Variants in LRGUK observed in about 807,000 individuals in gnomAD.
LRGUK encodes leucine rich repeats and guanylate kinase domain containing.
LRGUK carries 65 observed loss-of-function variants against 76.0 expected under a neutral mutation model. The ratio of observed to expected loss-of-function variants is 0.85; its 90% CI spans 0.70 to 1.05. The LOEUF (loss-of-function observed/expected upper bound fraction) is 1.05. LRGUK is among the 50% of genes least tolerant of loss of function. LRGUK has a pLI of 0.00. For synonymous variants in LRGUK, 268 were observed against 265.6 expected, an observed-to-expected ratio of 1.01 and a Z score of -0.09; for missense variants, 758 against 732.8, an observed-to-expected ratio of 1.03 and a Z score of -0.40.
chr7:134,258,594 G>A, intron 19 of LRGUK, among the ~76,000 whole-genome samples, 189 bp downstream of exon 19: 1 of 151,934 alleles, frequency 6.6e-6, no homozygotes, highest in East Asian at 1.9e-4. Context: ...AGCTACTCGG[G>A]AGGCTGAGGC....
At chr7:134,130,286 T>G (rs1351283784) in intron 1 of LRGUK, among the ~76,000 whole-genome samples, 1 of 151,724 alleles carries the variant, frequency 6.6e-6, no homozygotes, top group Non-Finnish European at 1.5e-5. Context: ...TTCCACCAGC[T>G]TCCCCCCCCC....
chr7:134,252,878 C>G (rs1484500152), intron 18 of LRGUK, among the ~76,000 whole-genome samples: 1 of 152,202 alleles, frequency 6.6e-6, no homozygotes, highest in Non-Finnish European at 1.5e-5. Context: ...TTTTTCAATA[C>G]TAGAGCCCTG....
chr7:134,238,207 C>T (rs1368092893), intron 16 of LRGUK, among the ~76,000 whole-genome samples: 3 of 151,930 alleles, frequency 2.0e-5, no homozygotes, highest in Non-Finnish European at 4.4e-5. Flanking sequence ...TAAGCTTATT[C>T]TTTACTAGAT....
intron 5 of LRGUK, among the ~76,000 whole-genome samples, chr7:134,152,693 G>A (rs1367340975): frequency 6.6e-6 from 1 of 152,012 alleles, no homozygotes; most frequent in Admixed American, 6.5e-5. Flanking sequence ...ATATAAAGTT[G>A]AGCATCCAAG....
chr7:134,238,004 C>T lies in LRGUK; in HGVS notation c.1984-9552C>T, dbSNP rs1802053786. ...AATAACAGTACTAATACCACCAGCA[C>T]CCATAATGAAAACCAAAAAATAGTT... On this transcript the variant is annotated intron_variant, in intron 16 of 19. Coordinates refer to the LRGUK transcript ENST00000285928. Among the ~76,000 whole-genome samples, 4 of 152,100 alleles carry T rather than the reference C, an allele frequency of 2.6e-5. No individual in the cohort carries two copies. The South Asian group carries it at 8.3e-4, about 32-fold the overall frequency.
chr7:134,194,976 A>G (rs1372719037), intron 12 of LRGUK, among the ~76,000 whole-genome samples: 1 of 152,180 alleles, frequency 6.6e-6, no homozygotes, highest in East Asian at 1.9e-4. Flanking sequence ...CACCCTGAGC[A>G]TTTGGGGATC....
At chr7:134,201,259 A>G (rs1489362614) in intron 14 of LRGUK, among the ~76,000 whole-genome samples, 4 of 152,152 alleles carry the variant, frequency 2.6e-5, no homozygotes, top group African/African-American at 7.2e-5. Context: ...ATGTCACACA[A>G]TCGTGGAGGT....
At chr7:134,133,229 T>A (rs1358937772) in intron 1 of LRGUK, among the ~76,000 whole-genome samples, 1 of 152,196 alleles carries the variant, frequency 6.6e-6, no homozygotes, top group Non-Finnish European at 1.5e-5. Context: ...CAATGGGCCA[T>A]GCTTGCTTTT....
At chr7:134,158,961 C>T (rs181191465) in intron 6 of LRGUK, among the ~76,000 whole-genome samples, 16 of 152,206 alleles carry the variant, frequency 1.1e-4, no homozygotes, top group African/African-American at 2.6e-4. Flanking sequence ...GGTCAGCAGG[C>T]GGGATTTCAA....
At chr7:134,212,757 G>A (rs185239441), downstream of LRGUK, among the ~76,000 whole-genome samples, 54 of 152,324 alleles carry the variant, frequency 3.5e-4, no homozygotes, top group African/African-American at 1.3e-3. Flanking sequence ...TGCTAGATAA[G>A]GGGAAGTGAT....
At chr7:134,255,763 G>GTTT (rs145234565) in intron 18 of LRGUK, among the ~76,000 whole-genome samples, 49 of 151,824 alleles carry the variant, frequency 3.2e-4, no homozygotes, top group African/African-American at 1.0e-3. Flanking sequence ...ATTTATACCT[G>GTTT]TTTTATTTTC....
At chr7:134,199,553 G>A in intron 14 of LRGUK, 132 bp downstream of exon 14, 2 of 706,688 alleles carry the variant, frequency 2.8e-6, no homozygotes, top group South Asian at 3.8e-5. Context: ...GCTGCGAAAA[G>A]GGGTAAGAAT....
chr7:134,179,047 G>C (rs1213314616), intron 10 of LRGUK, among the ~76,000 whole-genome samples: 1 of 149,992 alleles, frequency 6.7e-6, no homozygotes, highest in African/African-American at 2.5e-5. Flanking sequence ...CCTCAGCTGT[G>C]AGTGGAAGCT....
intron 18 of LRGUK, among the ~76,000 whole-genome samples, chr7:134,254,947 G>A (rs1341538387): frequency 6.6e-6 from 1 of 152,084 alleles, no homozygotes; most frequent in Non-Finnish European, 1.5e-5. Flanking sequence ...CTGTAAGAGT[G>A]GCTTTCTATG....
chr7:134,271,774 C>T, the LRGUK span, among the ~76,000 whole-genome samples: 2 of 151,908 alleles, frequency 1.3e-5, no homozygotes, highest in Non-Finnish European at 2.9e-5. Context: ...ACAAATGTAT[C>T]TTTAGTGAGA....
chr7:134,131,102 G>GACTGT (rs1490989963), intron 1 of LRGUK, among the ~76,000 whole-genome samples: 1 of 152,182 alleles, frequency 6.6e-6, no homozygotes, highest in Non-Finnish European at 1.5e-5. Flanking sequence ...AGCACTCGTT[G>GACTGT]ACTGTACAGA....
At chr7:134,272,015 T>C in the LRGUK span, among the ~76,000 whole-genome samples, 17 of 152,104 alleles carry the variant, frequency 1.1e-4, no homozygotes, top group Admixed American at 1.1e-3. Flanking sequence ...CTTTCCTTTC[T>C]TCTTTTCTAA....
At chr7:134,229,445 T>C (rs1801842509) in intron 16 of LRGUK, among the ~76,000 whole-genome samples, 1 of 151,884 alleles carries the variant, frequency 6.6e-6, no homozygotes, top group Non-Finnish European at 1.5e-5. Context: ...GTGTCAAATA[T>C]TTAAAAACAA....
At chr7:134,247,178 T>C (rs1802325254) in intron 16 of LRGUK, among the ~76,000 whole-genome samples, 1 of 152,174 alleles carries the variant, frequency 6.6e-6, no homozygotes, top group Non-Finnish European at 1.5e-5. Context: ...GTTAATTCAA[T>C]CAGTTAGCTA....
Sources: gnomAD v4.1 joint callset for allele counts (sites outside exome capture counted in the v4.1 genomes callset) on GRCh38, gnomAD v4.1.1 for gene constraint, MANE v1.5 for transcripts, NCBI Gene and HGNC (gene_info 2026-07-23, HGNC 2026-07-21) for gene names.